The following CPE variants were observed in gnomAD, a reference collection of about 807,000 sequenced individuals.
CPE encodes the protein carbocypeptidase E.
A neutral mutation model predicts 53.5 loss-of-function variants in CPE; 17 were observed. The observed-to-expected ratio is 0.32, with a 90% CI of 0.22 to 0.48. CPE has a LOEUF of 0.48. CPE is among the 20% of genes least tolerant of loss of function. The pLI, the probability that CPE is intolerant of heterozygous loss-of-function variation, is 0.99. For synonymous variants in CPE, 226 were observed against 228.8 expected (o/e 0.99, Z 0.11); for missense variants, 524 against 614.7 (o/e 0.85, Z 1.56).
At chr4:165,425,905 T>C (rs1025382345) in intron 1 of CPE, among the ~76,000 whole-genome samples, 1 of 152,174 alleles carries the variant, frequency 6.6e-6, no homozygotes, top group African/African-American at 2.4e-5. Flanking sequence ...CAACAAAGAA[T>C]GATCTGGTCC....
intron 8 of CPE, among the ~76,000 whole-genome samples, chr4:165,496,563 A>G (rs2126720142): frequency 6.6e-6 from 1 of 151,958 alleles, no homozygotes; most frequent in East Asian, 1.9e-4. Context: ...ACGATCCAAA[A>G]TAATCAGGCG....
At chr4:165,387,654 CA>C (rs1173719901) in intron 1 of CPE, among the ~76,000 whole-genome samples, 1 of 150,960 alleles carries the variant, frequency 6.6e-6, no homozygotes, top group Non-Finnish European at 1.5e-5. Flanking sequence ...ACTAAAAATA[CA>C]AAAATTAGCC....
chr4:165,405,811 T>C, intron 1 of CPE: 1 of 767,682 alleles, frequency 1.3e-6, no homozygotes. Context: ...GGGCAGCCTT[T>C]GTGTGCCTCC....
rs1732428855 is a variant in CPE at position 165,482,341 on chromosome 4, T to C, written c.772T>C (p.Tyr258His). 2 of 1,612,190 alleles carry C rather than the reference T, an allele frequency of 1.2e-6. No homozygotes were observed. Among genetic ancestry groups the C allele is most frequent in the East Asian group, 2.2e-5 (1 of 44,858 alleles). ...AGGAGACCTTGTGGCCAATTATCCA[T>C]ATGATGAGACGCGGAGTGGTAGGTA... ...HGGDLVANYP[Y>H]DETRSGSAHE... is the part of the protein sequence containing the mutation. Residue 258 changes from tyrosine to histidine, a missense_variant, in exon 4 of 9, where the codon TAT becomes CAT. Tyr to His is a moderately conservative substitution (Grantham distance 83). Coordinates refer to ENST00000402744, the MANE Select transcript of CPE (RefSeq NM_001873.4).
chr4:165,461,166 C>CAAAAAAAAAAAAAAAAAAAAAAAAAAAA (rs1173022270), intron 1 of CPE, among the ~76,000 whole-genome samples: 59 of 44,170 alleles, frequency 1.3e-3, no homozygotes, highest in South Asian at 2.3e-3. Context: ...GCCTCTGCCT[C>CAAAAAAAAAAAAAAAAAAAAAAAAAAAA]AAAAAAAAAA....
intron 1 of CPE, among the ~76,000 whole-genome samples, chr4:165,395,828 C>T (rs753381664): frequency 6.6e-6 from 1 of 152,142 alleles, no homozygotes; most frequent in African/African-American, 2.4e-5. Context: ...AATAGAATTA[C>T]AAAAAACCCC....
chr4:165,403,696 G>GGTTTTTATTGTTTTGT (rs1491436290), intron 1 of CPE, among the ~76,000 whole-genome samples: 1 of 143,920 alleles, frequency 6.9e-6, no homozygotes, highest in Non-Finnish European at 1.5e-5. Context: ...TACAGAGTTT[G>GGTTTTTATTGTTTTGT]GTTTTTATTG....
chr4:165,491,840 T>G (rs1271534335), intron 6 of CPE, among the ~76,000 whole-genome samples: 2 of 152,188 alleles, frequency 1.3e-5, no homozygotes, highest in Non-Finnish European at 2.9e-5. Context: ...GACAAAGGAT[T>G]ACAGGAGACT....
At chr4:165,482,771 T>C (rs1732437270) in intron 4 of CPE, among the ~76,000 whole-genome samples, 1 of 152,176 alleles carries the variant, frequency 6.6e-6, no homozygotes, top group African/African-American at 2.4e-5. Context: ...ACATGTGTCT[T>C]ATTGTGTTGA....
At chr4:165,415,333 AACT>A (rs1350525356) in intron 1 of CPE, 1 of 166,872 alleles carries the variant, frequency 6.0e-6, no homozygotes, top group Non-Finnish European at 1.5e-5. Flanking sequence ...TATTTTTTAA[AACT>A]ACTGCTACCT....
intron 1 of CPE, among the ~76,000 whole-genome samples, chr4:165,402,406 A>G (rs1730882818): frequency 6.6e-6 from 1 of 152,210 alleles, no homozygotes. Context: ...ACACCATGTG[A>G]TACAGTTTGG....
At chr4:165,384,840 T>C (rs1344665467) in intron 1 of CPE, among the ~76,000 whole-genome samples, 1 of 152,152 alleles carries the variant, frequency 6.6e-6, no homozygotes, top group Non-Finnish European at 1.5e-5. Context: ...TTCCATTTTT[T>C]CCCTCCATAA....
chr4:165,424,937 C>T (rs1241029361), intron 1 of CPE, among the ~76,000 whole-genome samples: 1 of 148,322 alleles, frequency 6.7e-6, no homozygotes, highest in Non-Finnish European at 1.5e-5. Flanking sequence ...TGCAGTGATG[C>T]GATCTTGGCT....
At chr4:165,473,208 T>C (rs1000281693) in intron 3 of CPE, among the ~76,000 whole-genome samples, 1 of 152,266 alleles carries the variant, frequency 6.6e-6, no homozygotes, top group African/African-American at 2.4e-5. Context: ...GCTTGGACTT[T>C]CTGATTTGTC....
chr4:165,440,987 G>A (rs1361405780), intron 1 of CPE, among the ~76,000 whole-genome samples: 3 of 152,170 alleles, frequency 2.0e-5, no homozygotes, highest in Non-Finnish European at 4.4e-5. Flanking sequence ...AAATGCAGAT[G>A]TCACTGGGTG....
chr4:165,463,509 T>C lies in CPE; in HGVS notation c.308-881T>C, dbSNP rs934127656. On this transcript the variant is annotated intron_variant, in intron 1 of 8. Transcript: ENST00000402744. ...CTTGCCCAAGCCTAGACAGTAAGAA[T>C]TGGTGCTAGGATTTGAATCCATGCA... 4.6e-5 allele frequency among the ~76,000 whole-genome samples: 7 copies of C among 152,186 alleles called. No homozygotes were observed. The East Asian group carries it at 9.6e-4, about 21-fold the overall frequency.
chr4:165,397,994 G>A (rs1334756444), intron 1 of CPE, among the ~76,000 whole-genome samples: 2 of 149,912 alleles, frequency 1.3e-5, no homozygotes, highest in Non-Finnish European at 3.0e-5. Flanking sequence ...GGAGGCTGCA[G>A]TGGGCTATGA....
chr4:165,418,661 A>C (rs1731162184), intron 1 of CPE, among the ~76,000 whole-genome samples: 1 of 152,238 alleles, frequency 6.6e-6, no homozygotes. Context: ...AACTTGTATT[A>C]AATCTGTTCT....
Position 165,435,927 on chromosome 4 carries a change from G to A in CPE, c.308-28463G>A, listed in dbSNP as rs372351772. On this transcript the variant is annotated intron_variant, in intron 1 of 8. Transcript: ENST00000402744. ...TAATTGGACACACAGTTGACCCTACGGACCATGCTTTCCTTCATAGAACAC... is the reference window on the plus strand; with the variant it reads ...TAATTGGACACACAGTTGACCCTACAGACCATGCTTTCCTTCATAGAACAC... 4.6e-5 allele frequency among the ~76,000 whole-genome samples: 7 copies of A among 152,174 alleles called. No homozygotes were observed. In the East Asian group the frequency reaches 9.7e-4, roughly 21 times the overall value.
Sources: gnomAD v4.1 joint callset for allele counts (sites outside exome capture counted in the v4.1 genomes callset) on GRCh38, gnomAD v4.1.1 for gene constraint, MANE v1.5 for transcripts, NCBI Gene and HGNC (gene_info 2026-07-23, HGNC 2026-07-21) for gene names.